Variants in NUP62CL observed in about 807,000 individuals in gnomAD.
NUP62CL encodes nucleoporin-62 C-terminal-like protein.
NUP62CL carries 13 observed loss-of-function variants against 15.3 expected under a neutral mutation model. The observed-to-expected ratio is 0.85, with a 90% CI of 0.55 to 1.35. NUP62CL has a LOEUF of 1.35. NUP62CL is among the 40% of genes most tolerant of loss of function. The pLI, the probability that NUP62CL is intolerant of heterozygous loss-of-function variation, is 0.00. For missense variants in NUP62CL, 123 were observed against 130.6 expected, an observed-to-expected ratio of 0.94 and a Z score of 0.28; for synonymous variants, 54 against 49.2, an observed-to-expected ratio of 1.10 and a Z score of -0.41.
chrX:107,135,001 A>T (rs1220104229), intron 8 of NUP62CL, among the ~76,000 whole-genome samples: 1 of 111,213 alleles, frequency 9.0e-6, no homozygotes, highest in Non-Finnish European at 1.9e-5. Context: ...TCGGCCTCCC[A>T]AGTAGCTGGG....
chrX:107,148,873 C>A (rs1925945638), intron 7 of NUP62CL, among the ~76,000 whole-genome samples: 1 of 111,485 alleles, frequency 9.0e-6, no homozygotes, highest in Non-Finnish European at 1.9e-5. Flanking sequence ...TAGTATATGA[C>A]CCAGAGTAAT....
At chrX:107,190,686 C>A (rs1356426188) in intron 2 of NUP62CL, among the ~76,000 whole-genome samples, 2 of 111,474 alleles carry the variant, frequency 1.8e-5, no homozygotes, top group African/African-American at 6.5e-5. Flanking sequence ...AGAGTTCAAA[C>A]CTTACTTGTG....
Position 107,123,920 on chromosome X carries a change from T to C in NUP62CL, c.*455A>G. On this transcript the variant is annotated 3_prime_UTR_variant, in exon 9 of 9. Transcript: ENST00000372466. The stretch of plus-strand genomic sequence containing the variant: ...GCACTATATAGGTTGGCATGTACTT[T>C]TGGCAGACATCACCCTATGATTCAA... 1 of 157,697 alleles carries C rather than the reference T, an allele frequency of 6.3e-6. No individual in the cohort carries two copies. Among genetic ancestry groups the C allele is most frequent in the Middle Eastern group, 2.3e-3 (1 of 428 alleles). 13.0% of individuals were successfully genotyped at this position (157,697 alleles called of 1,213,427 possible). A position where few individuals can be genotyped will look rare whatever the true frequency, so the allele number is the denominator to read the frequency against.
At chrX:107,149,564 G>C (rs1021841108) in intron 7 of NUP62CL, among the ~76,000 whole-genome samples, 1 of 112,064 alleles carries the variant, frequency 8.9e-6, no homozygotes, top group Non-Finnish European at 1.9e-5. Context: ...CCAAGACCCA[G>C]AGAGATTAAA....
At chrX:107,153,783 C>T (rs1029465651) in intron 5 of NUP62CL, among the ~76,000 whole-genome samples, 8 of 111,016 alleles carry the variant, frequency 7.2e-5, no homozygotes, top group East Asian at 2.9e-4. Flanking sequence ...GACTGGACAA[C>T]GCAGTGGGAC....
intron 7 of NUP62CL, among the ~76,000 whole-genome samples, chrX:107,150,325 A>T (rs991458225): frequency 4.5e-5 from 5 of 112,094 alleles, no homozygotes; most frequent in Non-Finnish European, 9.4e-5. Flanking sequence ...ATGACAACTT[A>T]GGGAAGAGTA....
rs200340255 is a variant in NUP62CL, at chrX:107,124,118, G to GA, written c.*256dup. On this transcript the variant is annotated 3_prime_UTR_variant, in exon 9 of 9. Coordinates refer to ENST00000372466, the MANE Select transcript of NUP62CL (RefSeq NM_017681.3). ...ATTCTCAACAGTACAATACTTAAAT[G>GA]AAAAAAAGGATGCACAATTCATTAT... 114 of 261,855 alleles carry GA rather than the reference G, an allele frequency of 4.4e-4. No individual in the cohort carries two copies. Among genetic ancestry groups the GA allele is most frequent in the South Asian group, 2.7e-3 (68 of 25,193 alleles). 21.6% of individuals were successfully genotyped at this position (261,855 alleles called of 1,213,427 possible).
At chrX:107,138,002 CA>C (rs1217612663) in intron 8 of NUP62CL, among the ~76,000 whole-genome samples, 1 of 111,412 alleles carries the variant, frequency 9.0e-6, no homozygotes, top group African/African-American at 3.3e-5. Context: ...GAAAAAGACC[CA>C]CACAAATATG....
intron 3 of NUP62CL, among the ~76,000 whole-genome samples, chrX:107,173,289 G>C (rs1055754685): frequency 7.1e-5 from 8 of 112,214 alleles, no homozygotes; most frequent in Admixed American, 2.8e-4. Flanking sequence ...ATGGAAAACA[G>C]ATTAGTGGTT....
chrX:107,154,345 G>T, intron 4 of NUP62CL, 99 bp from the exon 5 acceptor site: 1 of 637,630 alleles, frequency 1.6e-6, no homozygotes, highest in Non-Finnish European at 2.3e-6. Flanking sequence ...GAAGAAAACA[G>T]CATGTAAGGA....
intron 2 of NUP62CL, among the ~76,000 whole-genome samples, 198 bp from the exon 3 acceptor site, chrX:107,175,391 A>G (rs902412609): frequency 3.6e-5 from 4 of 111,847 alleles, no homozygotes; most frequent in African/African-American, 1.3e-4. Context: ...TAGTATAGTC[A>G]GTCTTCTAGC....
chrX:107,125,363 T>A (rs528628133), intron 8 of NUP62CL, among the ~76,000 whole-genome samples: 1 of 111,266 alleles, frequency 9.0e-6, no homozygotes, highest in Non-Finnish European at 1.9e-5. Context: ...TAGTTAAGTT[T>A]TGGGGAGTCG....
chrX:107,165,625 C>A (rs941326272), intron 4 of NUP62CL, among the ~76,000 whole-genome samples: 1 of 111,352 alleles, frequency 9.0e-6, no homozygotes. Context: ...AAATTATACA[C>A]CATGATCAAG....
intron 8 of NUP62CL, among the ~76,000 whole-genome samples, chrX:107,136,189 G>GA (rs950769138): frequency 8.4e-5 from 9 of 107,297 alleles, no homozygotes; most frequent in Non-Finnish European, 1.7e-4. Context: ...TAGCAAGACA[G>GA]AAAAAAAAAT....
chrX:107,192,553 G>A (rs764816779), intron 2 of NUP62CL, among the ~76,000 whole-genome samples: 3 of 110,783 alleles, frequency 2.7e-5, no homozygotes, highest in Non-Finnish European at 5.7e-5. Context: ...CTAATTTTTT[G>A]TATTTTTTGT....
At chrX:107,141,444 T>C (rs1925763809) in intron 8 of NUP62CL, among the ~76,000 whole-genome samples, 1 of 111,933 alleles carries the variant, frequency 8.9e-6, no homozygotes, top group Non-Finnish European at 1.9e-5. Context: ...ACGCTAAAAG[T>C]GAACCTCACA....
At chrX:107,149,273 A>G (rs1275991443) in intron 7 of NUP62CL, among the ~76,000 whole-genome samples, 2 of 112,504 alleles carry the variant, frequency 1.8e-5, no homozygotes, top group Non-Finnish European at 3.8e-5. Context: ...AAATCTGCAT[A>G]TATTTACCTA....
At chrX:107,141,295 C>T (rs1925760794) in intron 8 of NUP62CL, among the ~76,000 whole-genome samples, 1 of 111,769 alleles carries the variant, frequency 8.9e-6, no homozygotes, top group African/African-American at 3.3e-5. Context: ...AATCAAGAGA[C>T]AAAGGTGTGA....
At chrX:107,176,572 C>T (rs1290405) in intron 2 of NUP62CL, among the ~76,000 whole-genome samples, 190 of 103,444 alleles carry the variant, frequency 1.8e-3, no homozygotes, top group Non-Finnish European at 3.0e-3. Flanking sequence ...TTTTTTTTGT[C>T]GGGGGGGCGA....
Sources: gnomAD v4.1 joint callset for allele counts (sites outside exome capture counted in the v4.1 genomes callset) on GRCh38, gnomAD v4.1.1 for gene constraint, MANE v1.5 for transcripts, NCBI Gene and HGNC (gene_info 2026-07-23, HGNC 2026-07-21) for gene names.